Variants in DOCK2 observed in about 807,000 individuals in gnomAD.
DOCK2 encodes dedicator of cytokinesis 2.
Under a neutral mutation model 248.9 loss-of-function variants are expected in DOCK2, and 87 were observed. The observed-to-expected ratio is 0.35, with a 90% CI of 0.29 to 0.42. The LOEUF (loss-of-function observed/expected upper bound fraction) is 0.42. Among genes scored for constraint, DOCK2 ranks in the 10% least tolerant of loss-of-function variants. The probability of loss-of-function intolerance (pLI) is 1.00; values close to 1 mark genes in which losing one functional copy is unlikely to be tolerated. For missense variants in DOCK2, 1,747 were observed against 2,300.2 expected, an observed-to-expected ratio of 0.76 and a Z score of 4.92; for synonymous variants, 805 against 821.6, an observed-to-expected ratio of 0.98 and a Z score of 0.35.
At chr5:169,805,375 C>G (rs545973550) in intron 26 of DOCK2, among the ~76,000 whole-genome samples, 1 of 152,116 alleles carries the variant, frequency 6.6e-6, no homozygotes, top group East Asian at 1.9e-4. Flanking sequence ...GCACTTCAGC[C>G]CAGGTGACAG....
At chr5:169,853,749 C>T (rs1342756502) in intron 27 of DOCK2, among the ~76,000 whole-genome samples, 1 of 128,882 alleles carries the variant, frequency 7.8e-6, no homozygotes, top group Non-Finnish European at 1.6e-5. Flanking sequence ...TTGCATATTT[C>T]TGGAGTTTTA....
intron 27 of DOCK2, among the ~76,000 whole-genome samples, chr5:169,901,256 CT>C (rs1773908619): frequency 6.6e-6 from 1 of 152,100 alleles, no homozygotes; most frequent in Admixed American, 6.5e-5. Flanking sequence ...GGTATTTGGC[CT>C]TTGTAACAGC....
intron 25 of DOCK2, 104 bp downstream of exon 25, chr5:169,761,729 C>T: frequency 1.2e-6 from 1 of 816,834 alleles, no homozygotes; most frequent in Non-Finnish European, 1.9e-6. Context: ...GTGACTATAA[C>T]ATCTCTTTTC....
chr5:169,690,378 T>A (rs1760225100), intron 9 of DOCK2, among the ~76,000 whole-genome samples: 1 of 152,028 alleles, frequency 6.6e-6, no homozygotes, highest in African/African-American at 2.4e-5. Context: ...GATCCAGGAG[T>A]GACCGACATG....
At chr5:170,018,885 T>C in intron 32 of DOCK2, 75 bp from the exon 33 acceptor site, 1 of 1,537,422 alleles carries the variant, frequency 6.5e-7, no homozygotes, top group Non-Finnish European at 8.8e-7. Context: ...TTTTTTTCTT[T>C]CCCCAGGCTT....
chr5:169,760,194 G>A (rs1328664232), intron 24 of DOCK2, among the ~76,000 whole-genome samples: 6 of 152,150 alleles, frequency 3.9e-5, no homozygotes, highest in East Asian at 1.9e-4. Context: ...TCTTAACTAC[G>A]TTCAGCTCAT....
chr5:169,926,974 G>T (rs1273595491), intron 27 of DOCK2, among the ~76,000 whole-genome samples: 1 of 152,216 alleles, frequency 6.6e-6, no homozygotes, highest in Non-Finnish European at 1.5e-5. Context: ...GCTACTTTAG[G>T]TGGGATGGCC....
intron 46 of DOCK2, chr5:170,075,390 C>A (rs1020893780): frequency 6.6e-6 from 1 of 152,470 alleles, no homozygotes; most frequent in African/African-American, 2.4e-5. Context: ...TTTCAGAGCT[C>A]CCTACTGGGG....
At chr5:169,685,886 T>G (rs1447377981) in intron 8 of DOCK2, among the ~76,000 whole-genome samples, 1 of 152,232 alleles carries the variant, frequency 6.6e-6, no homozygotes, top group African/African-American at 2.4e-5. Flanking sequence ...CAGGCCCATC[T>G]AACTCCAAAG....
intron 27 of DOCK2, among the ~76,000 whole-genome samples, chr5:169,867,233 C>T (rs1561778016): frequency 6.6e-6 from 1 of 152,184 alleles, no homozygotes; most frequent in Non-Finnish European, 1.5e-5. Context: ...TCTCTTGACC[C>T]ACAATCAGAT....
At chr5:170,021,900 G>A (rs1755741860) in intron 33 of DOCK2, among the ~76,000 whole-genome samples, 1 of 152,120 alleles carries the variant, frequency 6.6e-6, no homozygotes, top group Non-Finnish European at 1.5e-5. Context: ...CAATACTGGG[G>A]TCTAGAATCC....
At chr5:169,677,957 G>T (rs1442275996) in intron 6 of DOCK2, among the ~76,000 whole-genome samples, 2 of 152,216 alleles carry the variant, frequency 1.3e-5, no homozygotes, top group African/African-American at 4.8e-5. Context: ...CCAGTCTTGA[G>T]TTATGGTCCA....
chr5:170,046,006 G>C (rs769914171), intron 39 of DOCK2, 101 bp downstream of exon 39: 4 of 1,100,932 alleles, frequency 3.6e-6, no homozygotes, highest in African/African-American at 1.5e-5. Flanking sequence ...GCCAGGCGGG[G>C]TTAGGGAAAT....
intron 29 of DOCK2, among the ~76,000 whole-genome samples, chr5:169,987,122 T>C (rs1295758480): frequency 1.3e-5 from 2 of 152,352 alleles, no homozygotes; most frequent in East Asian, 3.9e-4. Context: ...CTGCTTTTTC[T>C]ATTTACTTGA....
intron 9 of DOCK2, among the ~76,000 whole-genome samples, chr5:169,693,154 G>A (rs1400990610): frequency 1.3e-5 from 2 of 152,122 alleles, no homozygotes; most frequent in African/African-American, 4.8e-5. Context: ...AGGTATTAGG[G>A]ATGGAGGTCA....
chr5:169,673,710 A>G (rs1759171182), intron 5 of DOCK2, among the ~76,000 whole-genome samples: 1 of 152,184 alleles, frequency 6.6e-6, no homozygotes, highest in South Asian at 2.1e-4. Context: ...TGTTTGTTAA[A>G]AAAGACATTA....
At chr5:169,946,614 GA>G (rs1203048418) in intron 27 of DOCK2, among the ~76,000 whole-genome samples, 13 of 152,252 alleles carry the variant, frequency 8.5e-5, no homozygotes, top group Admixed American at 5.9e-4. Flanking sequence ...GTCTACTGAG[GA>G]CTCATTGTGT....
chr5:170,047,766 A>C (rs778280399), intron 40 of DOCK2, 152 bp downstream of exon 40: 68 of 611,978 alleles, frequency 1.1e-4, no homozygotes, highest in South Asian at 3.4e-4. Flanking sequence ...TCCCCAGTCA[A>C]TAGCCCTCAT....
intron 30 of DOCK2, chr5:169,998,106 A>T (rs939961204): frequency 2.2e-6 from 1 of 453,850 alleles, no homozygotes; most frequent in African/African-American, 2.0e-5. Context: ...GATCACCCCC[A>T]CTCACTCCAC....
Sources: allele counts gnomAD v4.1 joint callset (sites outside exome capture counted in the v4.1 genomes callset), GRCh38; gene constraint gnomAD v4.1.1; transcripts MANE v1.5; gene names NCBI Gene and HGNC (gene_info 2026-07-23, HGNC 2026-07-21).